Variants in DMXL1 observed in about 807,000 individuals in gnomAD.
DMXL1 encodes Dmx like 1, also known as dmX-like protein 1.
DMXL1 carries 99 observed loss-of-function variants against 319.2 expected under a neutral mutation model. That is an observed-to-expected ratio of 0.31 (90% CI 0.26 to 0.37). The LOEUF (loss-of-function observed/expected upper bound fraction) is 0.37. Ranked by LOEUF, DMXL1 falls within the 10% of genes least tolerant of loss-of-function variation. The pLI is 1.00. For missense variants in DMXL1, 3,745 were observed against 3,595.6 expected, an observed-to-expected ratio of 1.04 and a Z score of -1.06; for synonymous variants, 1,385 against 1,235.2, an observed-to-expected ratio of 1.12 and a Z score of -2.54.
chr5:119,150,124 A>G lies in DMXL1; in HGVS notation c.4297A>G (p.Ser1433Gly). The G allele has an allele frequency of 6.2e-7, 1 of 1,613,832 alleles. No homozygotes were observed. Residue 1433 changes from serine (S) to glycine (G), a missense_variant, in exon 18 of 44, where the codon AGT becomes GGT. Ser to Gly is a moderately conservative substitution (Grantham distance 56). Coordinates refer to ENST00000539542, the MANE Select transcript of DMXL1 (RefSeq NM_001290321.3). Reference sequence around the variant, plus strand: ...GAAATCTAGTAATGAGAGTACGTTAAGTAAATCAAACCAATTATCTAAAGA... The same window carrying G: ...GAAATCTAGTAATGAGAGTACGTTAGGTAAATCAAACCAATTATCTAAAGA... ...LEKSSNESTL[S>G]KSNQLSKESY...
At chr5:119,164,966 A>G (rs1773107872) in intron 20 of DMXL1, among the ~76,000 whole-genome samples, 1 of 152,076 alleles carries the variant, frequency 6.6e-6, no homozygotes, top group African/African-American at 2.4e-5. Context: ...AGAACTTGTA[A>G]TGAAAGGCAA....
intron 3 of DMXL1, among the ~76,000 whole-genome samples, chr5:119,104,700 C>G (rs990602792): frequency 1.3e-5 from 2 of 151,850 alleles, no homozygotes; most frequent in African/African-American, 4.8e-5. Flanking sequence ...GATTTGCAGG[C>G]AGAAAAAAAG....
At chr5:119,208,807 T>A (rs1782225726) in intron 34 of DMXL1, among the ~76,000 whole-genome samples, 1 of 152,200 alleles carries the variant, frequency 6.6e-6, no homozygotes, top group Non-Finnish European at 1.5e-5. Context: ...ACAACCAGGA[T>A]AATGATTATA....
chr5:119,103,101 AAAAAG>A (rs996905893), intron 3 of DMXL1, among the ~76,000 whole-genome samples: 1 of 151,746 alleles, frequency 6.6e-6, no homozygotes, highest in Non-Finnish European at 1.5e-5. Flanking sequence ...TTTTTTAAAA[AAAAAG>A]AAAGAGCAGT....
chr5:119,227,554 C>A (rs186993279), intron 38 of DMXL1, among the ~76,000 whole-genome samples: 100 of 152,166 alleles, frequency 6.6e-4, no homozygotes, highest in Non-Finnish European at 8.4e-4. Context: ...AGTCTTTACT[C>A]TTCTGTAAGG....
intron 34 of DMXL1, 142 bp downstream of exon 34, chr5:119,207,038 C>T (rs1781866363): frequency 1.8e-6 from 1 of 556,338 alleles, no homozygotes; most frequent in Admixed American, 3.7e-5. Flanking sequence ...TTTATTTTAA[C>T]AACTTAAATA....
intron 37 of DMXL1, among the ~76,000 whole-genome samples, chr5:119,224,375 C>T (rs1785166329): frequency 6.6e-6 from 1 of 151,894 alleles, no homozygotes; most frequent in African/African-American, 2.4e-5. Flanking sequence ...TTTATTTTCA[C>T]ATGCTCCTGT....
At chr5:119,162,601 A>C (rs560689874) in intron 19 of DMXL1, among the ~76,000 whole-genome samples, 4 of 152,348 alleles carry the variant, frequency 2.6e-5, no homozygotes, top group Admixed American at 2.6e-4. Flanking sequence ...TTATCTCCTT[A>C]AGGCTCTGCC....
At position 119,237,314 on chromosome 5, in the gene DMXL1, T is replaced by C. The variant is rs371764242; in HGVS notation, c.8467-8T>C. On this transcript the variant is annotated splice_region_variant and splice_polypyrimidine_tract_variant and intron_variant, in intron 39 of 43. Coordinates refer to ENST00000539542, the MANE Select transcript of DMXL1 (RefSeq NM_001290321.3). ...ATTAAATACTTTTAAATATTTTCTT[T>C]CTCTAAGTTTGGAATAGTTGATGCT... is the stretch of plus-strand genomic sequence containing the variant. 7.6e-5 allele frequency: 114 copies of C among 1,509,058 alleles called. No homozygotes were observed. The highest frequency in any genetic ancestry group is 2.0e-4 in the Middle Eastern group (1 of 4,980). 93.5% of individuals were successfully genotyped at this position (1,509,058 alleles called of 1,614,324 possible).
intron 39 of DMXL1, among the ~76,000 whole-genome samples, chr5:119,234,296 A>T (rs1787314319): frequency 6.6e-6 from 1 of 152,102 alleles, no homozygotes. Context: ...TGCTCCTAAT[A>T]TGTTATTAGC....
chr5:119,174,406 C>T (rs561967716), intron 25 of DMXL1, among the ~76,000 whole-genome samples: 1 of 152,326 alleles, frequency 6.6e-6, no homozygotes, highest in South Asian at 2.1e-4. Context: ...GTCCAACTCT[C>T]TCTTGCAGAA....
At chr5:119,244,286 A>T in intron 42 of DMXL1, 73 bp from the exon 43 acceptor site, 3 of 1,225,514 alleles carry the variant, frequency 2.4e-6, no homozygotes, top group Non-Finnish European at 3.4e-6. Flanking sequence ...CTATTATTTC[A>T]CTTTAGCCAA....
intron 1 of DMXL1, among the ~76,000 whole-genome samples, chr5:119,095,858 C>G (rs370359650): frequency 6.6e-6 from 1 of 152,018 alleles, no homozygotes; most frequent in Admixed American, 6.5e-5. Flanking sequence ...TTGTTTGAGC[C>G]AGTTCTTTTC....
In DMXL1 at chr5:119,152,004, T is replaced by C; in HGVS notation, c.4670T>C (p.Leu1557Pro). Residue 1557 changes from leucine to proline, a missense_variant, in exon 19 of 44, where the codon CTT (leucine) becomes CCT (proline). Physicochemically the swap from Leu to Pro is moderately conservative, Grantham distance 98. Coordinates refer to ENST00000539542, the MANE Select transcript of DMXL1 (RefSeq NM_001290321.3). ...VRLHTFLTTS[L>P]PAYRAQLLHQ... Reference sequence around the variant, plus strand: ...CTCCATACCTTTCTTACAACTTCCCTTCCAGCCTATCGAGCTCAACTCCTT... The same window carrying C: ...CTCCATACCTTTCTTACAACTTCCCCTCCAGCCTATCGAGCTCAACTCCTT... The C allele has an allele frequency of 1.2e-6, 2 of 1,612,810 alleles. No homozygotes were observed. Among genetic ancestry groups the C allele is most frequent in the Non-Finnish European group, 1.7e-6 (2 of 1,179,242 alleles).
Position 119,240,399 on chromosome 5 carries a change from A to G in DMXL1, c.8652-20A>G. On this transcript the variant is annotated intron_variant, in intron 41 of 43. Transcript: ENST00000539542. ...TTAGCTTTTGTGTCACTCAGAAGTA[A>G]TCTTTTTTTTTTTTTCCAGAAACGT... The G allele has an allele frequency of 6.6e-7, 1 of 1,507,300 alleles. No homozygotes were observed. The highest frequency in any genetic ancestry group is 1.2e-5 in the South Asian group (1 of 86,248). The allele number at this position is 1,507,300 out of a possible 1,614,324, so 93.4% of individuals were successfully genotyped here.
chr5:119,103,690 T>G (rs1292022051), intron 3 of DMXL1, among the ~76,000 whole-genome samples: 2 of 152,206 alleles, frequency 1.3e-5, no homozygotes, highest in East Asian at 3.8e-4. Context: ...TCTTAAAGCC[T>G]TAAGAATTAG....
At chr5:119,133,411 ACTTC>A in intron 11 of DMXL1, 26 bp downstream of exon 11, 1 of 1,598,746 alleles carries the variant, frequency 6.3e-7, no homozygotes, top group Non-Finnish European at 8.5e-7. Context: ...CTGGAGAGCT[ACTTC>A]CTTGTTTATG....
chr5:119,225,150 A>G (rs1215847524), intron 38 of DMXL1, among the ~76,000 whole-genome samples: 2 of 151,924 alleles, frequency 1.3e-5, no homozygotes, highest in Admixed American at 6.6e-5. Flanking sequence ...ACCACTGCCA[A>G]CCTTTATTAC....
At chr5:119,081,997 TTA>T (rs144946899) in intron 1 of DMXL1, among the ~76,000 whole-genome samples, 4,015 of 116,108 alleles carry the variant, frequency 0.035, 219 homozygotes, top group African/African-American at 0.1. Context: ...TTTCTTAAGG[TTA>T]TATATATATA....
Sources: gnomAD v4.1 joint callset for allele counts (sites outside exome capture counted in the v4.1 genomes callset) on GRCh38, gnomAD v4.1.1 for gene constraint, MANE v1.5 for transcripts, NCBI Gene and HGNC (gene_info 2026-07-23, HGNC 2026-07-21) for gene names.